KLHL18: variants seen among roughly 807,000 people sequenced by gnomAD.
The protein encoded by KLHL18 is kelch-like protein 18.
In KLHL18, 38 loss-of-function variants were observed where a neutral mutation model predicts 58.5. The observed-to-expected ratio is 0.65, with a 90% CI of 0.50 to 0.85. KLHL18 has a LOEUF of 0.85. Ranked by LOEUF, KLHL18 falls within the 40% of genes least tolerant of loss-of-function variation. The pLI is 0.00. For missense variants in KLHL18, 624 were observed against 778.4 expected, an observed-to-expected ratio of 0.80 and a Z score of 2.36; for synonymous variants, 303 against 301.9, an observed-to-expected ratio of 1.00 and a Z score of -0.04.
At chr3:47,286,072 A>C (rs1441610179) in intron 1 of KLHL18, among the ~76,000 whole-genome samples, 2 of 152,106 alleles carry the variant, frequency 1.3e-5, no homozygotes, top group Non-Finnish European at 1.5e-5. Flanking sequence ...ACGTAGTTTC[A>C]ACTGAGACGG....
Position 47,336,548 on chromosome 3 carries a change from T to C in KLHL18, c.912T>C (p.Asn304=), listed in dbSNP as rs751296373. The change falls in exon 7 of 10, where the codon AAT becomes AAC. Residue 304 remains asparagine, a synonymous_variant. Coordinates refer to ENST00000232766, the MANE Select transcript of KLHL18 (RefSeq NM_025010.5). ...ATTTTTATGCAGGTGATTCCCTGAA[T>C]GTGGTGGAAGTGTTCGACCCCATTG... The part of the protein sequence containing the change: ...GGLNSAGDSL[N]VVEVFDPIAN... 6.2e-7 allele frequency: 1 copy of C among 1,612,958 alleles called. No homozygotes were observed. Among genetic ancestry groups the C allele is most frequent in the African/African-American group, 1.3e-5 (1 of 75,044 alleles).
intron 1 of KLHL18, among the ~76,000 whole-genome samples, chr3:47,301,114 A>G (rs11709708): frequency 1.3e-5 from 2 of 152,120 alleles, no homozygotes; most frequent in Admixed American, 6.5e-5. Flanking sequence ...AGTTCTTTAC[A>G]TATTATAGAT....
At chr3:47,295,804 T>C (rs555313402) in intron 1 of KLHL18, among the ~76,000 whole-genome samples, 3 of 152,208 alleles carry the variant, frequency 2.0e-5, no homozygotes, top group African/African-American at 7.2e-5. Flanking sequence ...GGTCTCGAAC[T>C]CCTGGCCTCA....
chr3:47,307,915 T>G (rs748624083), intron 1 of KLHL18, among the ~76,000 whole-genome samples: 1 of 152,236 alleles, frequency 6.6e-6, no homozygotes, highest in Non-Finnish European at 1.5e-5. Flanking sequence ...TTTGTTTCAG[T>G]ACCACAATTT....
chr3:47,326,827 A>G (rs1576173044), intron 3 of KLHL18, among the ~76,000 whole-genome samples: 1 of 152,134 alleles, frequency 6.6e-6, no homozygotes, highest in African/African-American at 2.4e-5. Flanking sequence ...AGGGTGAGGC[A>G]GGAGAATCGC....
chr3:47,333,447 C>A, intron 5 of KLHL18, 130 bp downstream of exon 5: 1 of 884,570 alleles, frequency 1.1e-6, no homozygotes. Context: ...ACAGATTGGT[C>A]TGCCCTCTGT....
At chr3:47,323,850 C>T (rs1037033370) in intron 3 of KLHL18, among the ~76,000 whole-genome samples, 1 of 152,212 alleles carries the variant, frequency 6.6e-6, no homozygotes, top group Non-Finnish European at 1.5e-5. Flanking sequence ...CTGACCTCCC[C>T]TCCCCTATTC....
At chr3:47,284,337 C>CTTTTTTTTTTTTTTTTT (rs767276527) in intron 1 of KLHL18, among the ~76,000 whole-genome samples, 1 of 127,148 alleles carries the variant, frequency 7.9e-6, no homozygotes, top group Non-Finnish European at 1.6e-5. Context: ...TTTCTTTTTT[C>CTTTTTTTTTTTTTTTTT]TTTTTTTTTT....
intron 6 of KLHL18, among the ~76,000 whole-genome samples, chr3:47,335,946 A>G (rs1703974755): frequency 6.6e-6 from 1 of 152,244 alleles, no homozygotes; most frequent in African/African-American, 2.4e-5. Flanking sequence ...GCCCCATAGC[A>G]GCATACCACA....
chr3:47,295,262 A>G (rs1276233595), intron 1 of KLHL18, among the ~76,000 whole-genome samples: 1 of 152,252 alleles, frequency 6.6e-6, no homozygotes, highest in African/African-American at 2.4e-5. Context: ...TCTGTTGTTG[A>G]CAGCCATTCT....
intron 1 of KLHL18, among the ~76,000 whole-genome samples, chr3:47,285,379 G>C (rs1234369392): frequency 6.6e-6 from 1 of 152,208 alleles, no homozygotes; most frequent in African/African-American, 2.4e-5. Flanking sequence ...GGTGTAAATA[G>C]AGACTAGTGA....
chr3:47,346,030 G>A lies in KLHL18; in HGVS notation c.*2089G>A, dbSNP rs1318464292. The A allele has an allele frequency of 6.6e-6, 1 of 152,444 alleles. No individual in the cohort carries two copies. Among genetic ancestry groups the A allele is most frequent in the African/African-American group, 2.4e-5 (1 of 41,430 alleles). 9.4% of individuals were successfully genotyped at this position (152,444 alleles called of 1,614,324 possible). ...GGGGTAGACTCGGAAGGTGGGTGGG[G>A]TGTGCATTTCCTGTTAGGAGTGTAT... On this transcript the variant is annotated 3_prime_UTR_variant, in exon 10 of 10. Coordinates refer to ENST00000232766, the MANE Select transcript of KLHL18 (RefSeq NM_025010.5).
rs1704215076 is a variant in KLHL18, at chr3:47,345,823, A to G, written c.*1882A>G. 1 of 152,628 alleles carries G rather than the reference A, an allele frequency of 6.6e-6. No homozygotes were observed. The highest frequency in any genetic ancestry group is 2.4e-5 in the African/African-American group (1 of 41,452). 9.5% of individuals were successfully genotyped at this position (152,628 alleles called of 1,614,324 possible). ...ACCGTCAGGTTTACCAGTGTGTGCA[A>G]TCGCCATGTATTCAGAGGGAAGTAC... On this transcript the variant is annotated 3_prime_UTR_variant, in exon 10 of 10. Coordinates refer to ENST00000232766, the MANE Select transcript of KLHL18 (RefSeq NM_025010.5).
At chr3:47,342,398 T>C (rs968906090) in intron 8 of KLHL18, among the ~76,000 whole-genome samples, 10 of 152,138 alleles carry the variant, frequency 6.6e-5, no homozygotes, top group African/African-American at 2.4e-4. Flanking sequence ...AGCACTGAGC[T>C]TTATAAGTAC....
At chr3:47,323,999 C>T (rs1020157621) in intron 3 of KLHL18, among the ~76,000 whole-genome samples, 1 of 152,134 alleles carries the variant, frequency 6.6e-6, no homozygotes, top group African/African-American at 2.4e-5. Flanking sequence ...GGTAATGATG[C>T]CTAAGATTTA....
rs751033301 is a variant in KLHL18 at position 47,308,814 on chromosome 3, G to C, written c.130-10839G>C. ...AATTGATCATTCTTGGGTGTTTCTC[G>C]CAGAGGGGGATTTGGCAGGGTCACA... On this transcript the variant is annotated intron_variant, in intron 1 of 9. Coordinates refer to ENST00000232766, the MANE Select transcript of KLHL18 (RefSeq NM_025010.5). Among the ~76,000 whole-genome samples the C allele has an allele frequency of 2.0e-5, 3 of 149,064 alleles. No individual in the cohort carries two copies. In the Admixed American group the frequency reaches 2.0e-4, roughly 10 times the overall value.
chr3:47,326,960 C>T (rs754367340), intron 3 of KLHL18, among the ~76,000 whole-genome samples: 32 of 151,402 alleles, frequency 2.1e-4, no homozygotes, highest in Admixed American at 1.8e-3. Context: ...GTGTTTTGGC[C>T]GGGCGTGGTG....
Position 47,340,578 on chromosome 3 carries a change from G to A in KLHL18, c.1128G>A (p.Met376Ile). The A allele has an allele frequency of 1.2e-6, 2 of 1,614,012 alleles. No homozygotes were observed. Among genetic ancestry groups the A allele is most frequent in the Non-Finnish European group, 1.7e-6 (2 of 1,179,972 alleles). ...ACAGCTCTGTCTGTTTCAGTGCCAT[G>A]GGGACAGTCGTGCTGGATGGGCAGA... The part of the protein sequence containing the change: ...VGSMNSKRSA[M>I]GTVVLDGQIY... Residue 376 changes from methionine to isoleucine, a missense_variant, in exon 8 of 10, where the codon ATG becomes ATA. Met to Ile is a conservative substitution (Grantham distance 10, BLOSUM62 1). Coordinates refer to ENST00000232766, the MANE Select transcript of KLHL18 (RefSeq NM_025010.5).
Position 47,342,790 on chromosome 3 carries a change from A to C in KLHL18, c.1298A>C (p.Tyr433Ser). The C allele has an allele frequency of 6.2e-7, 1 of 1,614,168 alleles. No homozygotes were observed. Among genetic ancestry groups the C allele is most frequent in the South Asian group, 1.1e-5 (1 of 91,086 alleles). Residue 433 changes from tyrosine (Y) to serine (S), a missense_variant, in exon 9 of 10, where the codon TAT (tyrosine) becomes TCT (serine). By Grantham distance (144) the Tyr-to-Ser change is moderately radical. Coordinates refer to ENST00000232766, the MANE Select transcript of KLHL18 (RefSeq NM_025010.5). ...AGVTVFEGRIYVSGGHDGLQI... is the reference protein window; with the variant it reads ...AGVTVFEGRISVSGGHDGLQI... ...GTTACAGTCTTTGAGGGCAGGATAT[A>C]TGTGTCAGGCGGCCATGATGGTTTG...
Sources: gnomAD v4.1 joint callset for allele counts (sites outside exome capture counted in the v4.1 genomes callset) on GRCh38, gnomAD v4.1.1 for gene constraint, MANE v1.5 for transcripts, NCBI Gene and HGNC (gene_info 2026-07-23, HGNC 2026-07-21) for gene names.